PPP1R1C: variants seen among roughly 807,000 people sequenced by gnomAD.
PPP1R1C encodes protein phosphatase 1 regulatory subunit 1C.
Under a neutral mutation model 17.4 loss-of-function variants are expected in PPP1R1C, and 15 were observed. That is an observed-to-expected ratio of 0.86 (90% CI 0.58 to 1.33). The LOEUF is 1.33. Ranked by LOEUF, PPP1R1C falls within the 40% of genes most tolerant of loss-of-function variation. The pLI, the probability that PPP1R1C is intolerant of heterozygous loss-of-function variation, is 0.00. For synonymous variants in PPP1R1C, 35 were observed against 43.1 expected, an observed-to-expected ratio of 0.81 and a Z score of 0.73; for missense variants, 143 against 130.0, an observed-to-expected ratio of 1.10 and a Z score of -0.48.
At chr2:182,093,175 A>G (rs1298426529) in intron 4 of PPP1R1C, among the ~76,000 whole-genome samples, 2 of 152,126 alleles carry the variant, frequency 1.3e-5, no homozygotes, top group African/African-American at 2.4e-5. Context: ...TCTGTACACT[A>G]TCAGGCTCAA....
intron 2 of PPP1R1C, among the ~76,000 whole-genome samples, chr2:182,053,782 A>ATTTATTTATTTAT (rs1559073518): frequency 6.8e-6 from 1 of 147,752 alleles, no homozygotes; most frequent in African/African-American, 2.5e-5. Context: ...TATTTATTTT[A>ATTTATTTATTTAT]TTTATTTATT....
chr2:182,023,528 A>G (rs931669144), intron 2 of PPP1R1C, among the ~76,000 whole-genome samples: 1 of 152,226 alleles, frequency 6.6e-6, no homozygotes, highest in Non-Finnish European at 1.5e-5. Flanking sequence ...ATTATATAGT[A>G]TCAAATTTTA....
At chr2:182,116,386 A>G (rs1444566567) in intron 4 of PPP1R1C, among the ~76,000 whole-genome samples, 1 of 152,226 alleles carries the variant, frequency 6.6e-6, no homozygotes, top group Non-Finnish European at 1.5e-5. Context: ...GAGAAAGTCT[A>G]TCTACATGGG....
intron 1 of PPP1R1C, among the ~76,000 whole-genome samples, chr2:181,958,844 A>G (rs1478856450): frequency 6.6e-6 from 1 of 152,238 alleles, no homozygotes; most frequent in Non-Finnish European, 1.5e-5. Flanking sequence ...ATTCAATTAT[A>G]TAACTGTTTC....
At chr2:182,003,749 T>C (rs1685838294) in intron 2 of PPP1R1C, among the ~76,000 whole-genome samples, 1 of 151,848 alleles carries the variant, frequency 6.6e-6, no homozygotes, top group Non-Finnish European at 1.5e-5. Flanking sequence ...ATTTGGACTT[T>C]GCACAAATTT....
intron 2 of PPP1R1C, among the ~76,000 whole-genome samples, chr2:182,037,505 T>G (rs2125176524): frequency 6.6e-6 from 1 of 151,652 alleles, no homozygotes; most frequent in Non-Finnish European, 1.5e-5. Context: ...GAGAATCGCT[T>G]GAACCTGGGA....
At chr2:182,113,603 G>A (rs1399255946) in intron 4 of PPP1R1C, among the ~76,000 whole-genome samples, 12 of 151,770 alleles carry the variant, frequency 7.9e-5, no homozygotes, top group Admixed American at 7.9e-4. Flanking sequence ...AGAAACACCA[G>A]GTCAAGTGAA....
At chr2:182,079,215 A>G (rs1403392410) in intron 4 of PPP1R1C, among the ~76,000 whole-genome samples, 1 of 152,170 alleles carries the variant, frequency 6.6e-6, no homozygotes, top group African/African-American at 2.4e-5. Context: ...AAATAAATTC[A>G]CGTCTCTGAT....
At chr2:182,064,459 C>T (rs1485943930) in intron 4 of PPP1R1C, among the ~76,000 whole-genome samples, 1 of 152,050 alleles carries the variant, frequency 6.6e-6, no homozygotes, top group Non-Finnish European at 1.5e-5. Flanking sequence ...ATGTTTTTTC[C>T]AGTCTGGTGC....
intron 2 of PPP1R1C, among the ~76,000 whole-genome samples, chr2:182,028,654 G>A (rs1686704589): frequency 6.6e-6 from 1 of 151,532 alleles, no homozygotes; most frequent in Admixed American, 6.6e-5. Context: ...TTTTGGAATA[G>A]GTGTGGTGTG....
At chr2:182,047,350 G>A (rs1248870880) in intron 2 of PPP1R1C, among the ~76,000 whole-genome samples, 4 of 152,076 alleles carry the variant, frequency 2.6e-5, no homozygotes, top group Non-Finnish European at 5.9e-5. Context: ...AGGATTAAAT[G>A]CACATTGAAT....
intron 2 of PPP1R1C, among the ~76,000 whole-genome samples, chr2:182,040,548 G>A (rs1156657782): frequency 2.0e-5 from 3 of 152,030 alleles, no homozygotes; most frequent in Non-Finnish European, 4.4e-5. Flanking sequence ...GTAGATTCTG[G>A]ATATTGGTCC....
At chr2:182,061,823 G>A (rs770003082) in intron 3 of PPP1R1C, among the ~76,000 whole-genome samples, 4 of 152,098 alleles carry the variant, frequency 2.6e-5, no homozygotes, top group African/African-American at 4.8e-5. Flanking sequence ...GATGGGGTTG[G>A]AGGGATGACA....
chr2:182,121,203 T>C (rs1375128015), downstream of PPP1R1C, among the ~76,000 whole-genome samples: 2 of 152,222 alleles, frequency 1.3e-5, no homozygotes, highest in East Asian at 3.8e-4. Context: ...TGAGTCATTC[T>C]GACTTGGATT....
At chr2:181,991,216 TAGAA>T (rs1377894144) in intron 2 of PPP1R1C, among the ~76,000 whole-genome samples, 2 of 151,982 alleles carry the variant, frequency 1.3e-5, no homozygotes, top group Admixed American at 6.6e-5. Flanking sequence ...AGAGGAAAAA[TAGAA>T]AGATATTTCA....
chr2:182,105,131 G>C (rs1689206403), intron 4 of PPP1R1C, among the ~76,000 whole-genome samples: 2 of 152,164 alleles, frequency 1.3e-5, no homozygotes, highest in African/African-American at 4.8e-5. Context: ...TATGGGTGCA[G>C]ATTCAAATAT....
At chr2:182,043,626 A>C (rs1037648988) in intron 2 of PPP1R1C, among the ~76,000 whole-genome samples, 1 of 152,182 alleles carries the variant, frequency 6.6e-6, no homozygotes, top group Non-Finnish European at 1.5e-5. Context: ...GGACAACTTC[A>C]TGCCTACCCT....
At chr2:182,030,500 G>T (rs1300630963) in intron 2 of PPP1R1C, among the ~76,000 whole-genome samples, 1 of 150,688 alleles carries the variant, frequency 6.6e-6, no homozygotes, top group Non-Finnish European at 1.5e-5. Flanking sequence ...CCCCTGCTGG[G>T]GGGTGCCTCC....
chr2:182,119,055 A>T (rs1321166421), downstream of PPP1R1C, among the ~76,000 whole-genome samples: 3 of 146,960 alleles, frequency 2.0e-5, no homozygotes, highest in Admixed American at 6.8e-5. Context: ...CCCTCCCCCC[A>T]CCACCCACCC....
Sources: allele counts gnomAD v4.1 joint callset (sites outside exome capture counted in the v4.1 genomes callset), GRCh38; gene constraint gnomAD v4.1.1; transcripts MANE v1.5; gene names NCBI Gene and HGNC (gene_info 2026-07-23, HGNC 2026-07-21).